FAM222A: variants seen among roughly 807,000 people sequenced by gnomAD.
FAM222A encodes family with sequence similarity 222 member A, also known as protein FAM222A.
In FAM222A, 7 loss-of-function variants were observed where a neutral mutation model predicts 25.8. The ratio of observed to expected loss-of-function variants is 0.27; its 90% CI spans 0.15 to 0.51. The LOEUF is 0.51. Ranked by LOEUF, FAM222A falls within the 20% of genes least tolerant of loss-of-function variation. The pLI, the probability that FAM222A is intolerant of heterozygous loss-of-function variation, is 0.97. For missense variants in FAM222A, 573 were observed against 640.5 expected, an observed-to-expected ratio of 0.89 and a Z score of 1.14; for synonymous variants, 294 against 298.8, an observed-to-expected ratio of 0.98 and a Z score of 0.17.
chr12:109,770,452 A>G lies in FAM222A; in HGVS notation c.*1164A>G, dbSNP rs1889213129. 6.6e-6 allele frequency: 1 copy of G among 152,564 alleles called. No individual in the cohort carries two copies. The allele number at this position is 152,564 out of a possible 1,614,324, so 9.5% of individuals were successfully genotyped here. The stretch of plus-strand genomic sequence containing the variant: ...TACTGTGAGAAGTGCAGTCTGCACT[A>G]TATTGTTTTAAAAACGAAGAGAAAG... On this transcript the variant is annotated 3_prime_UTR_variant, in exon 3 of 3. Coordinates refer to ENST00000538780, the MANE Select transcript of FAM222A (RefSeq NM_032829.3).
chr12:109,720,292 GACTTAATGACGCAGA>G, intron 1 of FAM222A: 4 of 623,096 alleles, frequency 6.4e-6, no homozygotes, highest in Non-Finnish European at 6.0e-6. Context: ...CGGGGATGGG[GACTTAATGACGCAGA>G]ACTTAATGAC....
intron 1 of FAM222A, among the ~76,000 whole-genome samples, chr12:109,740,480 A>AG (rs1269419133): frequency 6.6e-6 from 1 of 152,106 alleles, no homozygotes; most frequent in South Asian, 2.1e-4. Context: ...GTGCTTGGCC[A>AG]GGGGGGTAAT....
At position 109,719,928 on chromosome 12, in the gene FAM222A, G is replaced by A. The variant is rs1334642792; in HGVS notation, c.-47+5031G>A. 5.3e-5 allele frequency among the ~76,000 whole-genome samples: 8 copies of A among 152,320 alleles called. No individual in the cohort carries two copies. In the East Asian group the frequency reaches 1.4e-3, roughly 26 times the overall value. On this transcript the variant is annotated intron_variant, in intron 1 of 2. Transcript: ENST00000538780. ...GAGTCGCAGACCTGGGCTGAAACCC[G>A]GTGAGAGAGAGCACCTGCACTCTCA...
chr12:109,750,116 C>T (rs1027559877), intron 2 of FAM222A, among the ~76,000 whole-genome samples: 1 of 152,172 alleles, frequency 6.6e-6, no homozygotes, highest in Non-Finnish European at 1.5e-5. Context: ...AAAAGTCTTT[C>T]ACTGTGTGAT....
chr12:109,731,628 C>T (rs960274450), intron 1 of FAM222A, among the ~76,000 whole-genome samples: 4 of 152,164 alleles, frequency 2.6e-5, no homozygotes, highest in African/African-American at 7.2e-5. Flanking sequence ...CCAGAAGCTT[C>T]CCAGCCCTGG....
chr12:109,739,938 C>T (rs1372890541), intron 1 of FAM222A, among the ~76,000 whole-genome samples: 3 of 152,218 alleles, frequency 2.0e-5, no homozygotes, highest in Non-Finnish European at 2.9e-5. Context: ...TGCTCACCAC[C>T]GTTAAGAGCC....
intron 2 of FAM222A, among the ~76,000 whole-genome samples, chr12:109,765,288 A>G (rs1592801813): frequency 6.6e-6 from 1 of 152,118 alleles, no homozygotes; most frequent in Non-Finnish European, 1.5e-5. Context: ...GCCATGACCC[A>G]CCCGATGCCA....
intron 1 of FAM222A, among the ~76,000 whole-genome samples, chr12:109,729,407 C>T (rs1887900954): frequency 6.6e-6 from 1 of 152,138 alleles, no homozygotes; most frequent in African/African-American, 2.4e-5. Context: ...CCAGCAAGAG[C>T]CCCCGGAACC....
intron 2 of FAM222A, among the ~76,000 whole-genome samples, chr12:109,755,671 G>T (rs1888706606): frequency 6.6e-6 from 1 of 152,204 alleles, no homozygotes; most frequent in Non-Finnish European, 1.5e-5. Context: ...CATGAGGAAA[G>T]GATCCGACTT....
intron 1 of FAM222A, among the ~76,000 whole-genome samples, chr12:109,717,781 C>T (rs1887671701): frequency 6.6e-6 from 1 of 152,180 alleles, no homozygotes; most frequent in African/African-American, 2.4e-5. Flanking sequence ...TTGGCCCCAC[C>T]CCCACTAATC....
At chr12:109,732,260 A>G (rs1209856463) in intron 1 of FAM222A, among the ~76,000 whole-genome samples, 1 of 152,210 alleles carries the variant, frequency 6.6e-6, no homozygotes, top group East Asian at 1.9e-4. Flanking sequence ...TACAAAAGTC[A>G]TGTTCATCTT....
At chr12:109,753,811 T>C (rs1171049848) in intron 2 of FAM222A, among the ~76,000 whole-genome samples, 1 of 150,650 alleles carries the variant, frequency 6.6e-6, no homozygotes, top group East Asian at 2.0e-4. Flanking sequence ...CTTCCACTGA[T>C]GCTAATAAAA....
At chr12:109,724,525 G>A (rs1462970472) in intron 1 of FAM222A, among the ~76,000 whole-genome samples, 2 of 152,154 alleles carry the variant, frequency 1.3e-5, no homozygotes, top group African/African-American at 2.4e-5. Flanking sequence ...GACATTGGGC[G>A]CCAGCAGCCC....
At chr12:109,762,542 C>A (rs1371632758) in intron 2 of FAM222A, among the ~76,000 whole-genome samples, 1 of 152,206 alleles carries the variant, frequency 6.6e-6, no homozygotes, top group Non-Finnish European at 1.5e-5. Context: ...AGAAGCCTGT[C>A]CCAGCCCGCT....
rs1889115447 is a variant in FAM222A at position 109,768,205 on chromosome 12, C to A, written c.276C>A (p.Tyr92Ter). 2 of 1,613,058 alleles carry A rather than the reference C, an allele frequency of 1.2e-6. No individual in the cohort carries two copies. Among genetic ancestry groups the A allele is most frequent in the Non-Finnish European group, 1.7e-6 (2 of 1,179,872 alleles). ...CCAGTGGCCAGCGCTACAGCCCCTA[C>A]CCACAGCACACCGCTGGCTACCAGG... ...YDTSGQRYSP[Y>*]PQHTAGYQGL... Residue 92 changes from tyrosine (Y) to a stop codon, truncating the protein, a stop_gained, in exon 3 of 3, where the codon TAC (tyrosine) becomes TAA (stop). Coordinates refer to ENST00000538780, the MANE Select transcript of FAM222A (RefSeq NM_032829.3). LOFTEE classifies it high-confidence loss of function.
At chr12:109,745,277 T>C (rs1455568189) in intron 2 of FAM222A, among the ~76,000 whole-genome samples, 2 of 152,228 alleles carry the variant, frequency 1.3e-5, no homozygotes, top group African/African-American at 4.8e-5. Flanking sequence ...ATCTATTCTG[T>C]ATGTCAGCTT....
At position 109,726,242 on chromosome 12, in the gene FAM222A, A is replaced by C. The variant is rs555984669; in HGVS notation, c.-47+11345A>C. On this transcript the variant is annotated intron_variant, in intron 1 of 2. Transcript: ENST00000538780. ...GAATAGCTCATCAGGTTTATGGTCC[A>C]CCTCCTGCATGCCAAGCATGGGGCC... Among the ~76,000 whole-genome samples the C allele has an allele frequency of 2.0e-5, 3 of 151,414 alleles. No individual in the cohort carries two copies. The East Asian group carries it at 5.8e-4, about 29-fold the overall frequency.
intron 1 of FAM222A, among the ~76,000 whole-genome samples, chr12:109,718,175 C>T (rs188452860): frequency 6.7e-6 from 1 of 148,454 alleles, no homozygotes; most frequent in East Asian, 1.9e-4. Flanking sequence ...ACTGTTACCT[C>T]CTCCTCAGAA....
intron 1 of FAM222A, among the ~76,000 whole-genome samples, chr12:109,733,805 G>A (rs1432063854): frequency 6.6e-6 from 1 of 152,208 alleles, no homozygotes; most frequent in African/African-American, 2.4e-5. Flanking sequence ...GGGTTGGCTT[G>A]TGAGAGGACC....
Sources: gnomAD v4.1 joint callset for allele counts (sites outside exome capture counted in the v4.1 genomes callset) on GRCh38, gnomAD v4.1.1 for gene constraint, MANE v1.5 for transcripts, NCBI Gene and HGNC (gene_info 2026-07-23, HGNC 2026-07-21) for gene names.